CRPPA: variants seen among roughly 807,000 people sequenced by gnomAD.
The protein encoded by CRPPA is CDP-L-ribitol pyrophosphorylase A.
A neutral mutation model predicts 52.0 loss-of-function variants in CRPPA; 43 were observed. That is an observed-to-expected ratio of 0.83 (90% CI 0.65 to 1.07). The LOEUF is 1.07. Among genes scored for constraint, CRPPA ranks in the 50% least tolerant of loss-of-function variants. The pLI is 0.00. For synonymous variants in CRPPA, 250 were observed against 203.5 expected (o/e 1.23, Z -1.94); for missense variants, 629 against 551.7 (o/e 1.14, Z -1.40).
At chr7:16,317,202 T>G (rs1191950877) in intron 3 of CRPPA, among the ~76,000 whole-genome samples, 8 of 152,244 alleles carry the variant, frequency 5.3e-5, no homozygotes, top group Non-Finnish European at 1.0e-4. Context: ...ATGTAACAAG[T>G]TGTCAGACTC....
Position 16,214,829 on chromosome 7 carries a change from T to C in CRPPA, c.1251+1237A>G, listed in dbSNP as rs377649532. Among the ~76,000 whole-genome samples the C allele has an allele frequency of 5.9e-5, 9 of 152,314 alleles. 1 individual carries two copies. In the South Asian group the frequency reaches 1.7e-3, roughly 28 times the overall value. On this transcript the variant is annotated intron_variant, in intron 9 of 9. Transcript: ENST00000407010. ...AAGAGAGAATATTACTGACCATGGA[T>C]ACAGATCTGAGTTCTGTTACTCTAC...
At position 16,156,138 on chromosome 7, in the gene CRPPA, G is replaced by A. The variant is rs114072739; in HGVS notation, c.1251+59928C>T. On this transcript the variant is annotated intron_variant, in intron 9 of 9. Coordinates refer to ENST00000407010, the MANE Select transcript of CRPPA (RefSeq NM_001101426.4). ...AGCAAAAAAAAAAAAAAAAAAATAC[G>A]CTATTTAATTACACTATCTAGAATC... is the stretch of plus-strand genomic sequence containing the variant. Among the ~76,000 whole-genome samples the A allele has an allele frequency of 1.1e-3, 164 of 145,544 alleles. 1 individual carries two copies. The highest frequency in any genetic ancestry group is 4.1e-3 in the African/African-American group (162 of 39,488).
At chr7:16,185,594 T>C (rs184739865) in intron 9 of CRPPA, among the ~76,000 whole-genome samples, 1 of 152,356 alleles carries the variant, frequency 6.6e-6, no homozygotes, top group African/African-American at 2.4e-5. Context: ...GTTTATACTT[T>C]GGATGACCAT....
chr7:16,227,385 A>G (rs758988478), intron 8 of CRPPA, among the ~76,000 whole-genome samples: 2 of 151,760 alleles, frequency 1.3e-5, no homozygotes, highest in African/African-American at 2.4e-5. Flanking sequence ...TTTTCTCCAT[A>G]TTCTTGTCAA....
intron 3 of CRPPA, among the ~76,000 whole-genome samples, chr7:16,353,309 G>C (rs1786207421): frequency 6.6e-6 from 1 of 152,104 alleles, no homozygotes; most frequent in African/African-American, 2.4e-5. Flanking sequence ...CTATGACTGA[G>C]CCACTGTACT....
At position 16,287,317 on chromosome 7, in the gene CRPPA, G is replaced by T. The variant is rs1784471745; in HGVS notation, c.836-9091C>A. 2.6e-5 allele frequency among the ~76,000 whole-genome samples: 4 copies of T among 152,018 alleles called. No individual in the cohort carries two copies. In the South Asian group the frequency reaches 8.3e-4, roughly 31 times the overall value. ...CTTTGATTATAGTTTCTATATTACA[G>T]TATATTTTTTGTCCTTCTCTTCCAC... On this transcript the variant is annotated intron_variant, in intron 5 of 9. Coordinates refer to ENST00000407010, the MANE Select transcript of CRPPA (RefSeq NM_001101426.4).
At chr7:16,103,178 A>G (rs1208964906) in intron 9 of CRPPA, among the ~76,000 whole-genome samples, 1 of 152,178 alleles carries the variant, frequency 6.6e-6, no homozygotes, top group Non-Finnish European at 1.5e-5. Flanking sequence ...GCTGGAAACC[A>G]TCATTCTCAG....
chr7:16,254,789 GAAGGAAA>G (rs1562588542), intron 8 of CRPPA, among the ~76,000 whole-genome samples: 29 of 119,502 alleles, frequency 2.4e-4, no homozygotes, highest in African/African-American at 7.4e-4. Context: ...AAGAAAGAAA[GAAGGAAA>G]GAAAGAAAGA....
rs886042675 is a variant in CRPPA at position 16,301,434 on chromosome 7, T to A, written c.822A>T (p.Glu274Asp). 5 of 1,612,856 alleles carry A rather than the reference T, an allele frequency of 3.1e-6. No individual in the cohort carries two copies. Among genetic ancestry groups the A allele is most frequent in the Non-Finnish European group, 4.2e-6 (5 of 1,179,290 alleles). ...VTYKRDLYAA[E>D]SIIKERISQE... is the part of the protein sequence containing the mutation. ...GGCCAAACATACCCTTAATAATCGA[T>A]TCAGCCGCATAGAGATCTCGTTTGT... The change falls in exon 5 of 10, where the codon GAA (glutamate) becomes GAT (aspartate). Residue 274 changes from glutamate to aspartate, a missense_variant. Physicochemically the swap from Glu to Asp is conservative, Grantham distance 45. Transcript: ENST00000407010.
chr7:16,137,554 A>G (rs1782785074), intron 9 of CRPPA, among the ~76,000 whole-genome samples: 1 of 152,224 alleles, frequency 6.6e-6, no homozygotes, highest in Admixed American at 6.5e-5. Flanking sequence ...TCAAAATTAA[A>G]CATTCAAAGG....
At chr7:16,387,068 T>TATATATATATACACAC (rs1554352500) in intron 2 of CRPPA, among the ~76,000 whole-genome samples, 2 of 68,734 alleles carry the variant, frequency 2.9e-5, no homozygotes, top group South Asian at 1.3e-3. Flanking sequence ...TATATATATA[T>TATATATATATACACAC]ATATATATAT....
At chr7:16,140,017 TA>T (rs921212696) in intron 9 of CRPPA, among the ~76,000 whole-genome samples, 25 of 151,852 alleles carry the variant, frequency 1.6e-4, no homozygotes, top group Admixed American at 7.9e-4. Context: ...ATATTTCTGT[TA>T]AAAAAAAGTC....
At chr7:16,151,789 T>C (rs1783080540) in intron 9 of CRPPA, among the ~76,000 whole-genome samples, 1 of 151,968 alleles carries the variant, frequency 6.6e-6, no homozygotes. Flanking sequence ...AAGAAAAGTA[T>C]AACATAAAAC....
intron 3 of CRPPA, among the ~76,000 whole-genome samples, chr7:16,331,153 C>T (rs1477306066): frequency 6.6e-6 from 1 of 152,046 alleles, no homozygotes. Context: ...GCGCACGCCA[C>T]CATGCCCGGC....
At chr7:16,203,627 G>C (rs1781906687) in intron 9 of CRPPA, among the ~76,000 whole-genome samples, 1 of 152,122 alleles carries the variant, frequency 6.6e-6, no homozygotes, top group Non-Finnish European at 1.5e-5. Context: ...ATGAGGAAGA[G>C]ACTGATGAGA....
intron 2 of CRPPA, among the ~76,000 whole-genome samples, chr7:16,379,429 T>C (rs994110943): frequency 1.5e-4 from 23 of 152,140 alleles, no homozygotes; most frequent in African/African-American, 4.6e-4. Flanking sequence ...AGTGTGATGC[T>C]TCCAGCTTTG....
chr7:16,330,023 C>T (rs1234508244), intron 3 of CRPPA, among the ~76,000 whole-genome samples: 1 of 152,162 alleles, frequency 6.6e-6, no homozygotes, highest in Non-Finnish European at 1.5e-5. Flanking sequence ...CACGGTATAT[C>T]GCTTCCTTCT....
intron 9 of CRPPA, among the ~76,000 whole-genome samples, chr7:16,110,286 T>C (rs530818251): frequency 1.2e-3 from 179 of 152,184 alleles, no homozygotes; most frequent in Non-Finnish European, 2.1e-3. Flanking sequence ...AACACTAATA[T>C]ATAGAAAGAT....
chr7:16,310,597 G>C (rs1324478623), intron 3 of CRPPA, among the ~76,000 whole-genome samples: 1 of 151,982 alleles, frequency 6.6e-6, no homozygotes, highest in Non-Finnish European at 1.5e-5. Flanking sequence ...AGGCAGAAAA[G>C]GAAAGAGTCG....
Sources: gnomAD v4.1 joint callset for allele counts (sites outside exome capture counted in the v4.1 genomes callset) on GRCh38, gnomAD v4.1.1 for gene constraint, MANE v1.5 for transcripts, NCBI Gene and HGNC (gene_info 2026-07-23, HGNC 2026-07-21) for gene names.